Variants in ACBD3 observed in about 807,000 individuals in gnomAD.
ACBD3 encodes the protein Golgi resident protein GCP60.
Under a neutral mutation model 66.9 loss-of-function variants are expected in ACBD3, and 30 were observed. That is an observed-to-expected ratio of 0.45 (90% CI 0.34 to 0.61). ACBD3 has a LOEUF of 0.61. ACBD3 is among the 20% of genes least tolerant of loss of function. The pLI is 0.02. For synonymous variants in ACBD3, 278 were observed against 259.8 expected (o/e 1.07, Z -0.68); for missense variants, 544 against 664.5 (o/e 0.82, Z 1.99).
At chr1:226,148,264 T>C (rs1659496858) in intron 7 of ACBD3, among the ~76,000 whole-genome samples, 1 of 152,214 alleles carries the variant, frequency 6.6e-6, no homozygotes, top group Admixed American at 6.5e-5. Flanking sequence ...CACAGTACAA[T>C]GTAAGATGCT....
chr1:226,179,910 C>T (rs1576242205), intron 1 of ACBD3, among the ~76,000 whole-genome samples: 1 of 151,980 alleles, frequency 6.6e-6, no homozygotes, highest in Admixed American at 6.6e-5. Flanking sequence ...CAGCAGCTCA[C>T]GCCTGTAATC....
chr1:226,174,023 C>T (rs1207271040), intron 1 of ACBD3, among the ~76,000 whole-genome samples: 3 of 151,904 alleles, frequency 2.0e-5, no homozygotes, highest in African/African-American at 4.8e-5. Flanking sequence ...CTCAGAGCCC[C>T]GAAGACCTGG....
In ACBD3 at chr1:226,152,585, CCA is replaced by C. The variant is rs753650872; in HGVS notation, c.1123_1124del (p.Trp375AspfsTer36). 6.2e-7 allele frequency: 1 copy of C among 1,614,120 alleles called. No individual in the cohort carries two copies. The highest frequency in any genetic ancestry group is 2.2e-5 in the East Asian group (1 of 44,888). On this transcript the variant is annotated frameshift_variant, in exon 7 of 8. Coordinates refer to ENST00000366812, the MANE Select transcript of ACBD3 (RefSeq NM_022735.4). LOFTEE classifies it high-confidence loss of function. ...TGAAGTCTTTGATCTGAGGTCGTGT[CCA>C]CATGGATGGAGCTGCTATTACTGGA... is the stretch of plus-strand genomic sequence containing the variant. ...SLPVIAAPSM[W>X]TRPQIKDFKE...
At chr1:226,163,356 C>G (rs1388816578) in intron 3 of ACBD3, among the ~76,000 whole-genome samples, 1 of 152,036 alleles carries the variant, frequency 6.6e-6, no homozygotes, top group Non-Finnish European at 1.5e-5. Context: ...ACTTAAAAAG[C>G]AATATATAGA....
intron 1 of ACBD3, among the ~76,000 whole-genome samples, chr1:226,172,698 A>C (rs1455611399): frequency 6.6e-6 from 1 of 152,000 alleles, no homozygotes; most frequent in African/African-American, 2.4e-5. Flanking sequence ...TAATCCCAAC[A>C]CTTTGGGAGG....
Position 226,161,573 on chromosome 1 carries a change from C to T in ACBD3, c.686G>A (p.Arg229Lys), listed in dbSNP as rs77727776. 1 of 1,613,990 alleles carries T rather than the reference C, an allele frequency of 6.2e-7. No homozygotes were observed. The highest frequency in any genetic ancestry group is 8.5e-7 in the Non-Finnish European group (1 of 1,180,028). The change falls in exon 4 of 8, where the codon AGG becomes AAG. Residue 229 changes from arginine (R) to lysine (K), a missense_variant. By Grantham distance (26) the Arg-to-Lys change is conservative (BLOSUM62 2). Transcript: ENST00000366812. ...EERLRREEEE[R>K]RRIEEERLRL... ...AAGCCTTTCTTCTTCTATCCGTCTC[C>T]TTTCCTCTTCCTCCCGTCGAAGCCT... is the stretch of plus-strand genomic sequence containing the variant.
At chr1:226,179,914 T>C (rs751608496) in intron 1 of ACBD3, among the ~76,000 whole-genome samples, 2 of 152,098 alleles carry the variant, frequency 1.3e-5, no homozygotes, top group African/African-American at 4.8e-5. Flanking sequence ...AGCTCACGCC[T>C]GTAATCCCAG....
In ACBD3 at chr1:226,146,725, A is replaced by T. The variant is rs1438149941; in HGVS notation, c.1472T>A (p.Val491Glu). ...TGGATATTGATGGCTGCCAGCATAC[A>T]CCTCCTCATGACAGTCCCGTCGGTA... ...PVYRRDCHEE[V>E]YAGSHQYPGR... The change falls in exon 8 of 8, where the codon GTG (valine) becomes GAG (glutamate). Residue 491 changes from valine to glutamate, a missense_variant. Transcript: ENST00000366812. 6.2e-7 allele frequency: 1 copy of T among 1,613,886 alleles called. No individual in the cohort carries two copies.
intron 2 of ACBD3, 48 bp downstream of exon 2, chr1:226,165,811 T>C (rs747455259): frequency 4.4e-6 from 7 of 1,579,282 alleles, no homozygotes; most frequent in Non-Finnish European, 6.0e-6. Flanking sequence ...TTGTACCCTT[T>C]GCCAACATTA....
chr1:226,156,682 A>G (rs1249497519), intron 5 of ACBD3, among the ~76,000 whole-genome samples: 5 of 152,352 alleles, frequency 3.3e-5, no homozygotes, highest in Non-Finnish European at 5.9e-5. Flanking sequence ...TAGGTTAATA[A>G]CACAATTAAG....
intron 6 of ACBD3, among the ~76,000 whole-genome samples, chr1:226,152,996 T>C (rs922617674): frequency 3.9e-5 from 6 of 152,232 alleles, no homozygotes; most frequent in Admixed American, 1.3e-4. Flanking sequence ...ATTACTCTTG[T>C]GGATGTGAAC....
rs763114787 is a variant in ACBD3 at position 226,152,378 on chromosome 1, G to A, written c.1332C>T (p.Ser444=). 2.3e-5 allele frequency: 37 copies of A among 1,614,046 alleles called. No homozygotes were observed. Among genetic ancestry groups the A allele is most frequent in the Non-Finnish European group, 2.4e-5 (28 of 1,180,046 alleles). ...EWTDSPNTAV[S]VHVSESSDDD... ...CATCGCTGGACTCACTGACATGCACGCTGACAGCAGTGTTTGGAGAGTCTG... is the reference window on the plus strand; with the variant it reads ...CATCGCTGGACTCACTGACATGCACACTGACAGCAGTGTTTGGAGAGTCTG... The change falls in exon 7 of 8, where the codon AGC becomes AGT. Residue 444 remains serine, a synonymous_variant. Transcript: ENST00000366812.
At chr1:226,181,511 T>C (rs59647139) in intron 1 of ACBD3, among the ~76,000 whole-genome samples, 1 of 152,132 alleles carries the variant, frequency 6.6e-6, no homozygotes. Flanking sequence ...AGTAGAACTA[T>C]TCCATAAAGA....
intron 1 of ACBD3, among the ~76,000 whole-genome samples, chr1:226,172,185 C>T (rs1655837681): frequency 1.2e-5 from 1 of 83,404 alleles, no homozygotes; most frequent in African/African-American, 4.0e-5. Context: ...AATACATTTT[C>T]AGTGCTAGTC....
chr1:226,184,942 A>G lies in ACBD3; in HGVS notation c.286+1448T>C, dbSNP rs1228050028. On this transcript the variant is annotated intron_variant, in intron 1 of 7. Transcript: ENST00000366812. ...GCCTCCCTCAGTCCTGCAACAGAGC[A>G]GGACTCCAGCTCAAAAAAAAAAAAA... Among the ~76,000 whole-genome samples the G allele has an allele frequency of 4.1e-5, 6 of 144,724 alleles. 1 individual carries two copies. The South Asian group carries it at 1.4e-3, about 33-fold the overall frequency. 94.9% of individuals were successfully genotyped at this position (144,724 alleles called of 152,430 possible). A position where few individuals can be genotyped will look rare whatever the true frequency, so the allele number is the denominator to read the frequency against.
chr1:226,185,387 T>C (rs1034425887), intron 1 of ACBD3, among the ~76,000 whole-genome samples: 2 of 152,246 alleles, frequency 1.3e-5, no homozygotes, highest in Admixed American at 1.3e-4. Context: ...GTAAAATATG[T>C]ACTCCAAAAG....
At chr1:226,159,938 C>T (rs958344149) in intron 4 of ACBD3, among the ~76,000 whole-genome samples, 2 of 152,196 alleles carry the variant, frequency 1.3e-5, no homozygotes, top group Non-Finnish European at 2.9e-5. Context: ...GAAGATGTTA[C>T]AGGTGGCCCT....
At chr1:226,173,598 AAAAAT>A (rs1240775091) in intron 1 of ACBD3, among the ~76,000 whole-genome samples, 1 of 151,970 alleles carries the variant, frequency 6.6e-6, no homozygotes, top group African/African-American at 2.4e-5. Context: ...AAAAACACAG[AAAAAT>A]AAAAATCCTT....
chr1:226,157,685 G>A (rs556641248), intron 5 of ACBD3, among the ~76,000 whole-genome samples: 3 of 152,152 alleles, frequency 2.0e-5, no homozygotes, highest in African/African-American at 4.8e-5. Flanking sequence ...GACTACAGGC[G>A]TGCACCACCA....
Sources: gnomAD v4.1 joint callset for allele counts (sites outside exome capture counted in the v4.1 genomes callset) on GRCh38, gnomAD v4.1.1 for gene constraint, MANE v1.5 for transcripts, NCBI Gene and HGNC (gene_info 2026-07-23, HGNC 2026-07-21) for gene names.